The following CLSTN2 variants were observed in gnomAD, a reference collection of about 807,000 sequenced individuals.
CLSTN2 encodes the protein calsyntenin-2.
A neutral mutation model predicts 101.2 loss-of-function variants in CLSTN2; 48 were observed. The ratio of observed to expected loss-of-function variants is 0.47; its 90% CI spans 0.38 to 0.60. The LOEUF is 0.60. CLSTN2 is among the 20% of genes least tolerant of loss of function. The probability of loss-of-function intolerance (pLI) is 0.00; values close to 1 mark genes in which losing one functional copy is unlikely to be tolerated. For synonymous variants in CLSTN2, 481 were observed against 463.6 expected (o/e 1.04, Z -0.48); for missense variants, 1,160 against 1,238.2 (o/e 0.94, Z 0.95).
chr3:140,457,861 G>C (rs1354367418), intron 6 of CLSTN2, among the ~76,000 whole-genome samples: 1 of 152,166 alleles, frequency 6.6e-6, no homozygotes, highest in Non-Finnish European at 1.5e-5. Flanking sequence ...ACTTCCCTTT[G>C]ATACATACAA....
chr3:139,974,635 G>A (rs1463572417), intron 1 of CLSTN2, among the ~76,000 whole-genome samples: 1 of 152,230 alleles, frequency 6.6e-6, no homozygotes, highest in African/African-American at 2.4e-5. Context: ...GGGCAGGAAG[G>A]TTTTTAACTA....
intron 2 of CLSTN2, among the ~76,000 whole-genome samples, chr3:140,210,885 A>T (rs748053679): frequency 1.3e-5 from 2 of 152,074 alleles, no homozygotes; most frequent in Non-Finnish European, 2.9e-5. Flanking sequence ...TCTGAGGATA[A>T]CTCAGCATTT....
At chr3:140,207,467 G>C (rs993834687) in intron 2 of CLSTN2, among the ~76,000 whole-genome samples, 1 of 152,120 alleles carries the variant, frequency 6.6e-6, no homozygotes, top group African/African-American at 2.4e-5. Flanking sequence ...TTGTCTTTCA[G>C]TGTCTTTAAA....
intron 2 of CLSTN2, among the ~76,000 whole-genome samples, chr3:140,354,891 C>T (rs924976121): frequency 6.6e-6 from 1 of 152,202 alleles, no homozygotes; most frequent in Non-Finnish European, 1.5e-5. Flanking sequence ...AATGGTGCCC[C>T]TGCTCTTGCA....
chr3:140,179,487 G>C (rs1349413159), intron 2 of CLSTN2, among the ~76,000 whole-genome samples: 1 of 150,518 alleles, frequency 6.6e-6, no homozygotes, highest in Non-Finnish European at 1.5e-5. Context: ...TTAATAATTA[G>C]CTGGGTGTGT....
intron 1 of CLSTN2, among the ~76,000 whole-genome samples, chr3:139,992,072 C>A (rs1207719436): frequency 6.6e-6 from 1 of 152,098 alleles, no homozygotes; most frequent in Non-Finnish European, 1.5e-5. Context: ...AAATAGGATA[C>A]CTGCTACTAG....
intron 2 of CLSTN2, among the ~76,000 whole-genome samples, chr3:140,313,825 A>G (rs950183396): frequency 6.6e-6 from 1 of 152,220 alleles, no homozygotes; most frequent in African/African-American, 2.4e-5. Context: ...TTTTTCTGCC[A>G]TTGCCTCAGG....
chr3:140,355,276 G>A (rs2087657539), intron 2 of CLSTN2, among the ~76,000 whole-genome samples: 1 of 152,194 alleles, frequency 6.6e-6, no homozygotes, highest in Non-Finnish European at 1.5e-5. Flanking sequence ...ACTGGTAGTT[G>A]AAGTTGGACT....
chr3:140,220,188 G>A (rs1323856429), intron 2 of CLSTN2, among the ~76,000 whole-genome samples: 2 of 152,202 alleles, frequency 1.3e-5, no homozygotes, highest in Non-Finnish European at 1.5e-5. Context: ...AAATTGGGCT[G>A]TCATAGATTG....
chr3:140,271,350 G>C (rs998844150), intron 2 of CLSTN2, among the ~76,000 whole-genome samples: 9 of 152,136 alleles, frequency 5.9e-5, no homozygotes, highest in Non-Finnish European at 1.3e-4. Flanking sequence ...CTACTGAAAA[G>C]TGTCTCAGTC....
intron 12 of CLSTN2, among the ~76,000 whole-genome samples, chr3:140,560,380 A>C (rs907036794): frequency 1.3e-5 from 2 of 152,132 alleles, no homozygotes; most frequent in Non-Finnish European, 2.9e-5. Context: ...ACACTCTGTT[A>C]GTTCACACCT....
chr3:140,117,109 C>T (rs1172497854), intron 1 of CLSTN2, among the ~76,000 whole-genome samples: 1 of 152,164 alleles, frequency 6.6e-6, no homozygotes, highest in Non-Finnish European at 1.5e-5. Flanking sequence ...TCTTTCTCAG[C>T]CTGCTGCTTT....
chr3:140,310,354 A>G (rs531173887), intron 2 of CLSTN2, among the ~76,000 whole-genome samples: 1 of 148,156 alleles, frequency 6.7e-6, no homozygotes, highest in East Asian at 2.0e-4. Context: ...TACCCAGCAC[A>G]CTCCCTCTGG....
chr3:140,157,310 T>G (rs1389713437), intron 1 of CLSTN2, among the ~76,000 whole-genome samples: 2 of 152,166 alleles, frequency 1.3e-5, no homozygotes, highest in Admixed American at 1.3e-4. Flanking sequence ...TCAGTAGGAT[T>G]GTTACCAGTT....
chr3:140,015,792 T>C (rs556386715), intron 1 of CLSTN2, among the ~76,000 whole-genome samples: 12 of 152,390 alleles, frequency 7.9e-5, no homozygotes, highest in South Asian at 2.1e-4. Context: ...TATGGCAGAC[T>C]GTTCTGGTCA....
In CLSTN2 at chr3:140,482,698, C is replaced by A. The variant is rs999574390; in HGVS notation, c.1344+15967C>A. Among the ~76,000 whole-genome samples the A allele has an allele frequency of 2.0e-5, 3 of 152,126 alleles. No homozygotes were observed. In the South Asian group the frequency reaches 6.2e-4, roughly 32 times the overall value. On this transcript the variant is annotated intron_variant, in intron 8 of 16. Transcript: ENST00000458420. ...GGGTGCATATGTCAAGGAATTTATC[C>A]ATTTCTTCTAGATTTTCTAGTTTAT...
intron 2 of CLSTN2, among the ~76,000 whole-genome samples, chr3:140,264,702 T>C (rs1453818647): frequency 6.6e-6 from 1 of 152,112 alleles, no homozygotes; most frequent in Non-Finnish European, 1.5e-5. Flanking sequence ...AGAGATAATC[T>C]CAAGCCTCTT....
chr3:140,339,208 A>T (rs1292807541), intron 2 of CLSTN2, among the ~76,000 whole-genome samples: 1 of 152,008 alleles, frequency 6.6e-6, no homozygotes, highest in Non-Finnish European at 1.5e-5. Flanking sequence ...TCTCAGGGAA[A>T]TTTTTTCCAT....
intron 1 of CLSTN2, among the ~76,000 whole-genome samples, chr3:140,059,947 T>A (rs974514753): frequency 6.6e-6 from 1 of 152,196 alleles, no homozygotes; most frequent in African/African-American, 2.4e-5. Context: ...TACACCGATC[T>A]GGGGAGGAAC....
Sources: gnomAD v4.1 joint callset for allele counts (sites outside exome capture counted in the v4.1 genomes callset) on GRCh38, gnomAD v4.1.1 for gene constraint, MANE v1.5 for transcripts, NCBI Gene and HGNC (gene_info 2026-07-23, HGNC 2026-07-21) for gene names.